The following MYOM1 variants were observed in gnomAD, a reference collection of about 807,000 sequenced individuals.
MYOM1 encodes myomesin 1, also known as myomesin-1.
A neutral mutation model predicts 205.3 loss-of-function variants in MYOM1; 164 were observed. That is an observed-to-expected ratio of 0.80 (90% CI 0.70 to 0.91). The LOEUF is 0.91. Ranked by LOEUF, MYOM1 falls within the 40% of genes least tolerant of loss-of-function variation. MYOM1 has a pLI of 0.00. For synonymous variants in MYOM1, 772 were observed against 789.4 expected (o/e 0.98, Z 0.37); for missense variants, 2,011 against 2,127.3 (o/e 0.95, Z 1.08).
rs373869989 is a variant in MYOM1, at chr18:3,151,811, C to T, written c.1726G>A (p.Glu576Lys). The change falls in exon 12 of 38, where the codon GAA (glutamate) becomes AAA (lysine). Residue 576 changes from glutamate (E) to lysine (K), a missense_variant. Physicochemically the swap from Glu to Lys is moderately conservative, Grantham distance 56. Coordinates refer to ENST00000356443, the MANE Select transcript of MYOM1 (RefSeq NM_003803.4). ...ACTCGGAAGATATAGGAACGACCTTCGATCAATCCAGTGACAGGAAAACGA... is the reference window on the plus strand; with the variant it reads ...ACTCGGAAGATATAGGAACGACCTTTGATCAATCCAGTGACAGGAAAACGA... ...FARFPVTGLIEGRSYIFRVRA... is the reference protein window; with the variant it reads ...FARFPVTGLIKGRSYIFRVRA... The T allele has an allele frequency of 1.9e-6, 3 of 1,613,754 alleles. No individual in the cohort carries two copies. Among genetic ancestry groups the T allele is most frequent in the South Asian group, 1.1e-5 (1 of 91,062 alleles).
intron 16 of MYOM1, among the ~76,000 whole-genome samples, chr18:3,132,334 C>T (rs184179740): frequency 4.2e-4 from 64 of 151,826 alleles, no homozygotes; most frequent in Admixed American, 1.3e-3. Flanking sequence ...TGTATTTTTA[C>T]TAGAGATGGA....
intron 10 of MYOM1, among the ~76,000 whole-genome samples, chr18:3,159,452 GT>G (rs1389681381): frequency 6.6e-6 from 1 of 152,116 alleles, no homozygotes; most frequent in African/African-American, 2.4e-5. Flanking sequence ...AGCAATGGCA[GT>G]TTCTTACAAA....
At chr18:3,144,123 A>G (rs1017343346) in intron 13 of MYOM1, among the ~76,000 whole-genome samples, 3 of 151,752 alleles carry the variant, frequency 2.0e-5, no homozygotes, top group East Asian at 1.9e-4. Context: ...GGAGAATGGC[A>G]TGAACCTGGG....
intron 2 of MYOM1, among the ~76,000 whole-genome samples, chr18:3,213,735 T>TA (rs1391158736): frequency 1.3e-5 from 2 of 152,216 alleles, no homozygotes; most frequent in Non-Finnish European, 2.9e-5. Flanking sequence ...AGCTTGCTGT[T>TA]TAAAATTATA....
At chr18:3,190,907 C>T (rs114268614) in intron 3 of MYOM1, among the ~76,000 whole-genome samples, 2,538 of 152,206 alleles carry the variant, frequency 0.017, 78 homozygotes, top group African/African-American at 0.057. Context: ...GATATGTTGG[C>T]ACAGCTCTAG....
chr18:3,193,640 T>C (rs183277062), intron 3 of MYOM1, among the ~76,000 whole-genome samples, 178 bp downstream of exon 3: 53 of 152,286 alleles, frequency 3.5e-4, no homozygotes, highest in Non-Finnish European at 6.2e-4. Context: ...TGAATCAGTA[T>C]ATAGTAAGTG....
At chr18:3,070,695 A>T (rs1216632115) in intron 37 of MYOM1, among the ~76,000 whole-genome samples, 1 of 151,820 alleles carries the variant, frequency 6.6e-6, no homozygotes, top group African/African-American at 2.4e-5. Context: ...AGGTTACATC[A>T]GTTTAAAACC....
chr18:3,118,060 G>C (rs1477015309), intron 20 of MYOM1, among the ~76,000 whole-genome samples: 1 of 152,096 alleles, frequency 6.6e-6, no homozygotes, highest in Non-Finnish European at 1.5e-5. Context: ...CTCTAGTCTA[G>C]GGAAAAGCAG....
At chr18:3,072,364 T>TTTTTTTTTC (rs2078969390) in intron 36 of MYOM1, among the ~76,000 whole-genome samples, 1 of 134,394 alleles carries the variant, frequency 7.4e-6, no homozygotes. Context: ...TTTTTTTTTT[T>TTTTTTTTTC]TTTTTTTGAG....
Position 3,219,136 on chromosome 18 carries a change from G to T in MYOM1, c.-29+667C>A, listed in dbSNP as rs2081302859. The stretch of plus-strand genomic sequence containing the variant: ...TCTTTAAGACCTAAATTTTCTTTCT[G>T]AAAATAATTTGAGAATTTAGGAAGA... On this transcript the variant is annotated intron_variant, in intron 1 of 37. Transcript: ENST00000356443. The surrounding 1 kb of genome is among the most constrained non-coding windows in gnomAD (Gnocchi z 4.4). 6.6e-6 allele frequency among the ~76,000 whole-genome samples: 1 copy of T among 152,118 alleles called. No individual in the cohort carries two copies.
chr18:3,237,480 T>C, the MYOM1 span, among the ~76,000 whole-genome samples: 1 of 150,354 alleles, frequency 6.7e-6, no homozygotes, highest in Non-Finnish European at 1.5e-5. Flanking sequence ...GCACCTGGAA[T>C]CCCAGCTACT....
chr18:3,175,199 G>C (rs771490903), intron 6 of MYOM1, among the ~76,000 whole-genome samples: 2 of 152,098 alleles, frequency 1.3e-5, no homozygotes, highest in Admixed American at 6.5e-5. Flanking sequence ...CCTGACTTTG[G>C]GTCAGGGTCA....
chr18:3,134,408 T>C (rs1217127244), intron 16 of MYOM1, among the ~76,000 whole-genome samples: 1 of 152,066 alleles, frequency 6.6e-6, no homozygotes, highest in Admixed American at 6.5e-5. Flanking sequence ...TTTTCTTGTT[T>C]TTTTTTTCAG....
intron 2 of MYOM1, among the ~76,000 whole-genome samples, chr18:3,208,376 T>C (rs1480787802): frequency 6.6e-6 from 1 of 152,114 alleles, no homozygotes; most frequent in East Asian, 1.9e-4. Context: ...TAACTAGGCA[T>C]AGTGGCACGC....
At chr18:3,090,226 T>TG (rs1396292300) in intron 27 of MYOM1, among the ~76,000 whole-genome samples, 1 of 150,216 alleles carries the variant, frequency 6.7e-6, no homozygotes, top group Non-Finnish European at 1.5e-5. Flanking sequence ...TATTTTTTTT[T>TG]TTTTTTTTTT....
At chr18:3,148,715 G>A (rs984665097) in intron 13 of MYOM1, among the ~76,000 whole-genome samples, 54 of 150,962 alleles carry the variant, frequency 3.6e-4, no homozygotes, top group Non-Finnish European at 7.4e-4. Flanking sequence ...GCGTAGTGGC[G>A]GGCGCCTGTA....
the MYOM1 span, among the ~76,000 whole-genome samples, chr18:3,241,752 G>A: frequency 2.0e-5 from 3 of 152,210 alleles, no homozygotes; most frequent in African/African-American, 7.2e-5. Flanking sequence ...CAGACACTCA[G>A]CGTCAGCCTG....
chr18:3,134,474 C>G (rs2143904366), intron 16 of MYOM1, among the ~76,000 whole-genome samples, 176 bp downstream of exon 16: 1 of 152,150 alleles, frequency 6.6e-6, no homozygotes, highest in East Asian at 1.9e-4. Context: ...ATCCTGGCTT[C>G]AAGCAATCTT....
the MYOM1 span, among the ~76,000 whole-genome samples, chr18:3,234,302 A>G: frequency 2.0e-5 from 3 of 152,252 alleles, no homozygotes; most frequent in African/African-American, 7.2e-5. Context: ...CAAGTCAAAC[A>G]TACAGGAAAC....
Sources: gnomAD v4.1 joint callset for allele counts (sites outside exome capture counted in the v4.1 genomes callset) on GRCh38, gnomAD v4.1.1 for gene constraint, Gnocchi (gnomAD v3.1) non-coding constraint, MANE v1.5 for transcripts, NCBI Gene and HGNC (gene_info 2026-07-23, HGNC 2026-07-21) for gene names.